Variants in AEBP1 observed in about 807,000 individuals in gnomAD.
The protein encoded by AEBP1 is AE binding protein 1, also known as adipocyte enhancer-binding protein 1.
A neutral mutation model predicts 116.5 loss-of-function variants in AEBP1; 69 were observed. The observed-to-expected ratio is 0.59, with a 90% confidence interval of 0.49 to 0.72. The LOEUF is 0.72. AEBP1 is among the 30% of genes least tolerant of loss of function. AEBP1 has a pLI of 0.00. For missense variants in AEBP1, 1,444 were observed against 1,557.5 expected (o/e 0.93, Z 1.23); for synonymous variants, 627 against 627.3 (o/e 1.00, Z 0.01).
At position 44,107,490 on chromosome 7, in the gene AEBP1, A is replaced by G. The variant is rs1486635503; in HGVS notation, c.647A>G (p.Glu216Gly). 5 of 1,613,226 alleles carry G rather than the reference A, an allele frequency of 3.1e-6. No individual in the cohort carries two copies. The highest frequency in any genetic ancestry group is 2.7e-5 in the African/African-American group (2 of 74,882). The change falls in exon 3 of 21, where the codon GAG becomes GGG. Residue 216 changes from glutamate to glycine, a missense_variant. Glu to Gly is a moderately conservative substitution (Grantham distance 98, BLOSUM62 -2). Transcript: ENST00000223357. This position sits in a 1 kb window ranked among gnomAD's most constrained non-coding sequence, Gnocchi z 4.3. The stretch of plus-strand genomic sequence containing the variant: ...AATCCAGGAGAGGAGACCCATGTGG[A>G]GGCACGGGAGCACCAGCCTGGTGAG... Reference protein sequence around the residue: ...WQNPGEETHVEAREHQPEPEE... With the variant: ...WQNPGEETHVGAREHQPEPEE...
chr7:44,110,812 G>A lies in AEBP1; in HGVS notation c.1485+3G>A. Reference sequence around the variant, plus strand: ...ACACCAACGGCTATGAGGAAATGGTGGGCACCATGCCCAGGCTCTTGGCTC... The same window carrying A: ...ACACCAACGGCTATGAGGAAATGGTAGGCACCATGCCCAGGCTCTTGGCTC... On this transcript the variant is annotated splice_donor_region_variant and intron_variant, in intron 12 of 20. Coordinates refer to ENST00000223357, the MANE Select transcript of AEBP1 (RefSeq NM_001129.5). 6.3e-7 allele frequency: 1 copy of A among 1,575,078 alleles called. No individual in the cohort carries two copies. Among genetic ancestry groups the A allele is most frequent in the Non-Finnish European group, 8.6e-7 (1 of 1,158,850 alleles).
At position 44,112,813 on chromosome 7, in the gene AEBP1, A is replaced by T; in HGVS notation, c.2473A>T (p.Thr825Ser). The T allele has an allele frequency of 1.2e-6, 2 of 1,611,868 alleles. No individual in the cohort carries two copies. The highest frequency in any genetic ancestry group is 1.7e-6 in the Non-Finnish European group (2 of 1,179,856). ...CATCTCCTTCGCCTCCGCACACCTCACCTTGACCGAGCCCTACCGCGGAGG... is the reference window on the plus strand; with the variant it reads ...CATCTCCTTCGCCTCCGCACACCTCTCCTTGACCGAGCCCTACCGCGGAGG... ...LAISFASAHL[T>S]LTEPYRGGCQ... The change falls in exon 18 of 21, where the codon ACC becomes TCC. Residue 825 changes from threonine (T) to serine (S), a missense_variant. By Grantham distance (58) the Thr-to-Ser change is moderately conservative. Transcript: ENST00000223357. This position sits in a 1 kb window ranked among gnomAD's most constrained non-coding sequence, Gnocchi z 6.6.
chr7:44,110,026 A>T lies in AEBP1; in HGVS notation c.1162A>T (p.Ile388Phe). 6.2e-7 allele frequency: 1 copy of T among 1,612,850 alleles called. No individual in the cohort carries two copies. Among genetic ancestry groups the T allele is most frequent in the Non-Finnish European group, 8.5e-7 (1 of 1,179,936 alleles). Residue 388 changes from isoleucine (I) to phenylalanine (F), a missense_variant, in exon 10 of 21, where the codon ATT (isoleucine) becomes TTT (phenylalanine). Physicochemically the swap from Ile to Phe is conservative, Grantham distance 21. Transcript: ENST00000223357. ...GTACGCGTCCTCAGAGTGTCCCCCC[A>T]TTGGGATGGAGTCACACCGTATTGA... ...TPTEKVKCPP[I>F]GMESHRIEDN...
chr7:44,109,369 G>A, intron 9 of AEBP1, 28 bp downstream of exon 9: 1 of 1,458,784 alleles, frequency 6.9e-7, no homozygotes, highest in Non-Finnish European at 9.3e-7. Context: ...GGGGGTGAGG[G>A]TGGGGGCCAC....
At position 44,106,926 on chromosome 7, in the gene AEBP1, T is replaced by C. The variant is rs975057387; in HGVS notation, c.595+39T>C. ...TCCTCTGGGGTGATGGGGCTCTGAC[T>C]GCCTGCTCGGGTGGAGGCAGGGAGT... On this transcript the variant is annotated intron_variant, in intron 2 of 20. Transcript: ENST00000223357. The C allele has an allele frequency of 6.9e-6, 10 of 1,451,178 alleles. No homozygotes were observed. The African/African-American group carries it at 1.4e-4, about 21-fold the overall frequency. 89.9% of individuals were successfully genotyped at this position (1,451,178 alleles called of 1,614,324 possible). A position where few individuals can be genotyped will look rare whatever the true frequency, so the allele number is the denominator to read the frequency against.
Position 44,113,336 on chromosome 7 carries a change from C to T in AEBP1, c.2794C>T (p.His932Tyr). 5 of 1,612,734 alleles carry T rather than the reference C, an allele frequency of 3.1e-6. No homozygotes were observed. Among genetic ancestry groups the T allele is most frequent in the Non-Finnish European group, 4.2e-6 (5 of 1,179,508 alleles). ...CACCATCTCTGTGAGTGGCATTAAT[C>T]ACGGCGTGAAGACAGGTACCTAGTG... ...NATISVSGIN[H>Y]GVKTASGGDY... Residue 932 changes from histidine to tyrosine, a missense_variant, in exon 20 of 21, where the codon CAC becomes TAC. By Grantham distance (83) the His-to-Tyr change is moderately conservative (BLOSUM62 2). Coordinates refer to ENST00000223357, the MANE Select transcript of AEBP1 (RefSeq NM_001129.5). The surrounding 1 kb of genome is among the most constrained non-coding windows in gnomAD (Gnocchi z 5.3).
chr7:44,107,952 G>T lies in AEBP1; in HGVS notation c.862+21G>T, dbSNP rs921958039. 6.7e-7 allele frequency: 1 copy of T among 1,493,424 alleles called. No individual in the cohort carries two copies. The highest frequency in any genetic ancestry group is 8.8e-7 in the Non-Finnish European group (1 of 1,130,558). The allele number at this position is 1,493,424 out of a possible 1,614,324, so 92.5% of individuals were successfully genotyped here. A position where few individuals can be genotyped will look rare whatever the true frequency, so the allele number is the denominator to read the frequency against. Reference sequence around the variant, plus strand: ...GATTGGTAGGATGGGGGGCAGGAGAGGAGGTGCCATGGCCACGGCGCTCTG... The same window carrying T: ...GATTGGTAGGATGGGGGGCAGGAGATGAGGTGCCATGGCCACGGCGCTCTG... On this transcript the variant is annotated intron_variant, in intron 5 of 20. Coordinates refer to ENST00000223357, the MANE Select transcript of AEBP1 (RefSeq NM_001129.5). This position sits in a 1 kb window ranked among gnomAD's most constrained non-coding sequence, Gnocchi z 4.3.
rs764682459 is a variant in AEBP1 at position 44,108,102 on chromosome 7, CAG to C, written c.940+21_940+22del. 6.3e-7 allele frequency: 1 copy of C among 1,589,496 alleles called. No individual in the cohort carries two copies. The highest frequency in any genetic ancestry group is 1.1e-5 in the South Asian group (1 of 87,526). On this transcript the variant is annotated intron_variant, in intron 6 of 20. Coordinates refer to ENST00000223357, the MANE Select transcript of AEBP1 (RefSeq NM_001129.5). The surrounding 1 kb of genome is among the most constrained non-coding windows in gnomAD (Gnocchi z 5.0). ...CGATGACAGTGAGTACCCAGCACCC[CAG>C]AGTCTGAGGGACATAGGCAGGTGGG...
In AEBP1 at chr7:44,113,876, C is replaced by T. The variant is rs766008102; in HGVS notation, c.3092C>T (p.Ala1031Val). 9 of 1,613,464 alleles carry T rather than the reference C, an allele frequency of 5.6e-6. No individual in the cohort carries two copies. The highest frequency in any genetic ancestry group is 7.6e-6 in the Non-Finnish European group (9 of 1,179,988). Residue 1031 changes from alanine (A) to valine (V), a missense_variant, in exon 21 of 21, where the codon GCA becomes GTA. Physicochemically the swap from Ala to Val is moderately conservative, Grantham distance 64. Transcript: ENST00000223357. The surrounding 1 kb of genome is among the most constrained non-coding windows in gnomAD (Gnocchi z 5.3). ...RRLQHRLRLR[A>V]QMRLRRLNAT... ...CTACAACACCGCCTGCGGCTTCGGG[C>T]ACAGATGCGGCTGCGGCGCCTCAAC...
In AEBP1 at chr7:44,111,401, G is replaced by A; in HGVS notation, c.1717-106G>A. On this transcript the variant is annotated intron_variant, in intron 14 of 20. Coordinates refer to ENST00000223357, the MANE Select transcript of AEBP1 (RefSeq NM_001129.5). The surrounding 1 kb of genome is among the most constrained non-coding windows in gnomAD (Gnocchi z 4.7). ...CCAGTACCTGGGGGCTGCGTGAAGG[G>A]GTCATGCCCGTCCCTCGCCATAGAG... 3 of 1,455,046 alleles carry A rather than the reference G, an allele frequency of 2.1e-6. No individual in the cohort carries two copies. The highest frequency in any genetic ancestry group is 2.7e-6 in the Non-Finnish European group (3 of 1,096,386). 90.1% of individuals were successfully genotyped at this position (1,455,046 alleles called of 1,614,324 possible). A position where few individuals can be genotyped will look rare whatever the true frequency, so the allele number is the denominator to read the frequency against.
chr7:44,113,132 T>C lies in AEBP1; in HGVS notation c.2709+2T>C. 3.1e-6 allele frequency: 5 copies of C among 1,613,694 alleles called. No individual in the cohort carries two copies. Among genetic ancestry groups the C allele is most frequent in the Non-Finnish European group, 4.2e-6 (5 of 1,179,914 alleles). ...GCGCTGCTCACCTTCATGGAGCAGG[T>C]GGGGTGGCTAGGGCAATGCCTGGGG... On this transcript the variant is annotated splice_donor_variant, in intron 19 of 20. Transcript: ENST00000223357. LOFTEE classifies it high-confidence loss of function. This position sits in a 1 kb window ranked among gnomAD's most constrained non-coding sequence, Gnocchi z 5.3.
At chr7:44,106,499 C>T in intron 1 of AEBP1, 47 bp from the exon 2 acceptor site, 1 of 1,511,462 alleles carries the variant, frequency 6.6e-7, no homozygotes, top group Middle Eastern at 1.8e-4. Context: ...CTCATGGGGG[C>T]ACAGAGCTGG....
At position 44,113,636 on chromosome 7, in the gene AEBP1, A is replaced by G; in HGVS notation, c.2852A>G (p.Tyr951Cys). The G allele has an allele frequency of 6.2e-7, 1 of 1,613,410 alleles. No individual in the cohort carries two copies. The highest frequency in any genetic ancestry group is 1.7e-5 in the Admixed American group (1 of 60,002). Reference protein sequence around the residue: ...DYWRILNPGEYRVTAHAEGYT... With the variant: ...DYWRILNPGECRVTAHAEGYT... Reference sequence around the variant, plus strand: ...TGGCGAATCTTGAACCCGGGTGAGTACCGCGTGACAGCCCACGCGGAGGGC... The same window carrying G: ...TGGCGAATCTTGAACCCGGGTGAGTGCCGCGTGACAGCCCACGCGGAGGGC... Residue 951 changes from tyrosine to cysteine, a missense_variant, in exon 21 of 21, where the codon TAC (tyrosine) becomes TGC (cysteine). By Grantham distance (194) the Tyr-to-Cys change is radical. Transcript: ENST00000223357. The surrounding 1 kb of genome is among the most constrained non-coding windows in gnomAD (Gnocchi z 5.3).
rs368488702 is a variant in AEBP1, at chr7:44,111,516, G to A, written c.1726G>A (p.Val576Met). ...SYKDMRQLMKVVNEECPTITR... is the reference protein window; with the variant it reads ...SYKDMRQLMKMVNEECPTITR... Reference sequence around the variant, plus strand: ...TCCCCCTCTGCCCCAGCTCATGAAGGTGGTGAACGAGGAGTGCCCCACCAT... The same window carrying A: ...TCCCCCTCTGCCCCAGCTCATGAAGATGGTGAACGAGGAGTGCCCCACCAT... The change falls in exon 15 of 21, where the codon GTG (valine) becomes ATG (methionine). Residue 576 changes from valine to methionine, a missense_variant. By Grantham distance (21) the Val-to-Met change is conservative. Transcript: ENST00000223357. This position sits in a 1 kb window ranked among gnomAD's most constrained non-coding sequence, Gnocchi z 4.7. 1.4e-5 allele frequency: 22 copies of A among 1,591,998 alleles called. No homozygotes were observed. Among genetic ancestry groups the A allele is most frequent in the Non-Finnish European group, 1.9e-5 (22 of 1,169,464 alleles).
rs914770906 is a variant in AEBP1, at chr7:44,106,893, T to C, written c.595+6T>C. ...GGAGCTACCCCAGGAGGGAGGTTTG[T>C]GCCGGGCTCCTCTGGGGTGATGGGG... On this transcript the variant is annotated splice_donor_region_variant and intron_variant, in intron 2 of 20. Coordinates refer to ENST00000223357, the MANE Select transcript of AEBP1 (RefSeq NM_001129.5). 3 of 1,547,046 alleles carry C rather than the reference T, an allele frequency of 1.9e-6. No individual in the cohort carries two copies. In the Admixed American group the frequency reaches 6.3e-5, roughly 33 times the overall value.
chr7:44,107,199 G>A lies in AEBP1; in HGVS notation c.596-240G>A, dbSNP rs1420257378. ...GCCTTCTCCCGCTGGGGACAGCTTTGTGGTAGGGCCTCCAGCAGCACAGTA... is the reference window on the plus strand; with the variant it reads ...GCCTTCTCCCGCTGGGGACAGCTTTATGGTAGGGCCTCCAGCAGCACAGTA... On this transcript the variant is annotated intron_variant, in intron 2 of 20. Transcript: ENST00000223357. This position sits in a 1 kb window ranked among gnomAD's most constrained non-coding sequence, Gnocchi z 4.3. 1.3e-5 allele frequency among the ~76,000 whole-genome samples: 2 copies of A among 152,198 alleles called. No homozygotes were observed. The highest frequency in any genetic ancestry group is 4.8e-5 in the African/African-American group (2 of 41,468).
chr7:44,107,016 A>G lies in AEBP1; in HGVS notation c.595+129A>G, dbSNP rs2096223669. ...CAGCTCCCCACTGGATGGGAACCTC[A>G]CTTTTGCTATAAATTTCACAATTTG... On this transcript the variant is annotated intron_variant, in intron 2 of 20. Transcript: ENST00000223357. This position sits in a 1 kb window ranked among gnomAD's most constrained non-coding sequence, Gnocchi z 4.3. 3 of 718,574 alleles carry G rather than the reference A, an allele frequency of 4.2e-6. No homozygotes were observed. In the Admixed American group the frequency reaches 8.8e-5, roughly 21 times the overall value. The allele number at this position is 718,574 out of a possible 1,614,324, so 44.5% of individuals were successfully genotyped here. A position where few individuals can be genotyped will look rare whatever the true frequency, so the allele number is the denominator to read the frequency against.
chr7:44,109,250 G>C, intron 8 of AEBP1, 38 bp from the exon 9 acceptor site: 6 of 1,611,624 alleles, frequency 3.7e-6, no homozygotes, highest in Non-Finnish European at 2.5e-6. Context: ...ATTGCCTCCC[G>C]GGCCCTTGGT....
chr7:44,109,697 G>C, intron 9 of AEBP1: 1 of 565,158 alleles, frequency 1.8e-6, no homozygotes. Context: ...GACATCTGTG[G>C]CTGCGCCCTG....
Sources: allele counts gnomAD v4.1 joint callset (sites outside exome capture counted in the v4.1 genomes callset), GRCh38; gene constraint gnomAD v4.1.1; non-coding constraint Gnocchi (gnomAD v3.1); transcripts MANE v1.5; gene names NCBI Gene and HGNC (gene_info 2026-07-23, HGNC 2026-07-21).